AGPS: variants seen among roughly 807,000 people sequenced by gnomAD.
AGPS encodes alkylglycerone phosphate synthase.
In AGPS, 26 loss-of-function variants were observed where a neutral mutation model predicts 90.7. The ratio of observed to expected loss-of-function variants is 0.29; its 90% CI spans 0.21 to 0.40. AGPS has a LOEUF of 0.40. Among genes scored for constraint, AGPS ranks in the 10% least tolerant of loss-of-function variants. The pLI, the probability that AGPS is intolerant of heterozygous loss-of-function variation, is 1.00. For missense variants in AGPS, 540 were observed against 816.1 expected (o/e 0.66, Z 4.12); for synonymous variants, 294 against 285.3 (o/e 1.03, Z -0.31).
chr2:177,507,811 G>A (rs76586354), intron 15 of AGPS, among the ~76,000 whole-genome samples, 159 bp from the exon 16 acceptor site: 2 of 152,188 alleles, frequency 1.3e-5, no homozygotes, highest in Non-Finnish European at 2.9e-5. Flanking sequence ...TCTCACTCCA[G>A]GGACAACTTT....
chr2:177,464,824 A>G (rs1428550377), intron 9 of AGPS, among the ~76,000 whole-genome samples: 1 of 152,252 alleles, frequency 6.6e-6, no homozygotes, highest in Non-Finnish European at 1.5e-5. Context: ...AAGGAAAAAC[A>G]TTGAACTCTG....
intron 19 of AGPS, among the ~76,000 whole-genome samples, chr2:177,537,766 C>G (rs760468654): frequency 6.6e-6 from 1 of 151,970 alleles, no homozygotes; most frequent in Admixed American, 6.6e-5. Context: ...TGGGTTCTTT[C>G]GAAATGCACG....
intron 8 of AGPS, among the ~76,000 whole-genome samples, chr2:177,461,639 T>A (rs984960576): frequency 2.0e-5 from 3 of 152,168 alleles, no homozygotes; most frequent in African/African-American, 7.2e-5. Context: ...GATTATCTGG[T>A]CAACCTGTGA....
At chr2:177,513,549 A>G (rs1053090354) in intron 16 of AGPS, among the ~76,000 whole-genome samples, 75 of 152,322 alleles carry the variant, frequency 4.9e-4, no homozygotes, top group African/African-American at 1.6e-3. Context: ...TCCTAAGTGT[A>G]GGAAACCACA....
chr2:177,498,942 C>G (rs1688483701), intron 13 of AGPS, among the ~76,000 whole-genome samples: 1 of 151,676 alleles, frequency 6.6e-6, no homozygotes, highest in African/African-American at 2.4e-5. Context: ...ATCACCATCA[C>G]CTATTATTCT....
At chr2:177,412,914 C>T (rs1406211685) in intron 1 of AGPS, among the ~76,000 whole-genome samples, 3 of 152,084 alleles carry the variant, frequency 2.0e-5, no homozygotes, top group Admixed American at 6.5e-5. Flanking sequence ...GCCTTTAGCC[C>T]GATCGGGAGT....
chr2:177,405,188 C>G (rs1685432246), intron 1 of AGPS, among the ~76,000 whole-genome samples: 1 of 152,322 alleles, frequency 6.6e-6, no homozygotes, highest in Admixed American at 6.5e-5. Context: ...ATGGCTGCCC[C>G]ACTCCTTCAG....
Position 177,475,792 on chromosome 2 carries a change from T to C in AGPS, c.1106-6267T>C, listed in dbSNP as rs4893954. ...CTTTTGTGTGACATATTTTTATTTT[T>C]GGGGGTTTATAGCCTAGGAGTGGAG... On this transcript the variant is annotated intron_variant, in intron 10 of 19. Coordinates refer to ENST00000264167, the MANE Select transcript of AGPS (RefSeq NM_003659.4). Among the ~76,000 whole-genome samples the C allele has an allele frequency of 1.6e-3, 236 of 152,028 alleles. 1 individual carries two copies. The highest frequency in any genetic ancestry group is 5.4e-3 in the African/African-American group (222 of 41,494).
chr2:177,532,514 G>C (rs1057190194), intron 19 of AGPS, among the ~76,000 whole-genome samples: 1 of 152,146 alleles, frequency 6.6e-6, no homozygotes, highest in African/African-American at 2.4e-5. Flanking sequence ...TTGCTTGGGG[G>C]AATGTAAAGT....
intron 19 of AGPS, among the ~76,000 whole-genome samples, chr2:177,532,386 A>T (rs2079146298): frequency 6.6e-6 from 1 of 152,206 alleles, no homozygotes; most frequent in South Asian, 2.1e-4. Context: ...GCTATTAGGG[A>T]AATGAAAATT....
At chr2:177,494,724 A>G (rs1688364352) in intron 12 of AGPS, among the ~76,000 whole-genome samples, 1 of 152,084 alleles carries the variant, frequency 6.6e-6, no homozygotes, top group South Asian at 2.1e-4. Flanking sequence ...TATAGGTTCT[A>G]CCTTCTCTAG....
chr2:177,476,802 T>C (rs1429570885), intron 10 of AGPS, among the ~76,000 whole-genome samples: 1 of 152,158 alleles, frequency 6.6e-6, no homozygotes, highest in Non-Finnish European at 1.5e-5. Context: ...TCTCCCTTCA[T>C]TTCTGTCAGT....
chr2:177,497,387 G>C (rs1158922342), intron 12 of AGPS, among the ~76,000 whole-genome samples: 2 of 151,656 alleles, frequency 1.3e-5, no homozygotes, highest in Non-Finnish European at 3.0e-5. Context: ...CCATACCGTT[G>C]AAAGAAAACC....
At chr2:177,451,579 G>A (rs1487683104) in intron 8 of AGPS, among the ~76,000 whole-genome samples, 2 of 151,886 alleles carry the variant, frequency 1.3e-5, no homozygotes, top group Non-Finnish European at 2.9e-5. Flanking sequence ...GAAAAGAAGC[G>A]AGACTTGTTT....
At chr2:177,395,468 A>C (rs528634013) in intron 1 of AGPS, among the ~76,000 whole-genome samples, 25 of 152,360 alleles carry the variant, frequency 1.6e-4, no homozygotes, top group Admixed American at 7.2e-4. Context: ...TGAGATTTTC[A>C]TCAAAATATG....
At chr2:177,423,388 C>G (rs1685988770) in intron 2 of AGPS, among the ~76,000 whole-genome samples, 1 of 152,054 alleles carries the variant, frequency 6.6e-6, no homozygotes, top group Non-Finnish European at 1.5e-5. Flanking sequence ...ATGGTAAGGA[C>G]AATTTTTGAA....
Position 177,461,653 on chromosome 2 carries a change from A to C in AGPS, c.871-240A>C, listed in dbSNP as rs779680191. On this transcript the variant is annotated intron_variant, in intron 8 of 19. Coordinates refer to ENST00000264167, the MANE Select transcript of AGPS (RefSeq NM_003659.4). ...TGATTATCTGGTCAACCTGTGAAAA[A>C]TAGAACTTCTTTTGGCCTACATTTT... Among the ~76,000 whole-genome samples, 9 of 152,212 alleles carry C rather than the reference A, an allele frequency of 5.9e-5. 1 individual carries two copies. The highest frequency in any genetic ancestry group is 6.3e-3 in the Middle Eastern group (2 of 316).
intron 17 of AGPS, among the ~76,000 whole-genome samples, chr2:177,517,153 C>T (rs1307959851): frequency 6.6e-6 from 1 of 152,012 alleles, no homozygotes; most frequent in Non-Finnish European, 1.5e-5. Flanking sequence ...CTGTAAATTG[C>T]ATATGGAGAT....
In AGPS at chr2:177,457,845, A is replaced by G. The variant is rs568640190; in HGVS notation, c.871-4048A>G. Among the ~76,000 whole-genome samples, 4 of 152,358 alleles carry G rather than the reference A, an allele frequency of 2.6e-5. No individual in the cohort carries two copies. The South Asian group carries it at 8.3e-4, about 32-fold the overall frequency. On this transcript the variant is annotated intron_variant, in intron 8 of 19. Coordinates refer to ENST00000264167, the MANE Select transcript of AGPS (RefSeq NM_003659.4). ...CCCTAACTCATTTTATGAGGCCAGC[A>G]TCATCCTGATATCAAAACCTGGCAG...
Sources: allele counts gnomAD v4.1 joint callset (sites outside exome capture counted in the v4.1 genomes callset), GRCh38; gene constraint gnomAD v4.1.1; transcripts MANE v1.5; gene names NCBI Gene and HGNC (gene_info 2026-07-23, HGNC 2026-07-21).